RSPH10B2: variants seen among roughly 807,000 people sequenced by gnomAD.
The protein encoded by RSPH10B2 is radial spoke head 10 homolog B2 (Chlamydomonas).
Under a neutral mutation model 49.0 loss-of-function variants are expected in RSPH10B2, and 9 were observed. That is an observed-to-expected ratio of 0.18 (90% CI 0.11 to 0.32). The LOEUF is 0.32. RSPH10B2 is among the 10% of genes least tolerant of loss of function. RSPH10B2 has a pLI of 1.00. For synonymous variants in RSPH10B2, 35 were observed against 210.2 expected, an observed-to-expected ratio of 0.17 and a Z score of 7.21; for missense variants, 95 against 589.9, an observed-to-expected ratio of 0.16 and a Z score of 8.69.
At chr7:6,797,575 A>G (rs1417078857) in intron 18 of RSPH10B2, among the ~76,000 whole-genome samples, 3 of 152,272 alleles carry the variant, frequency 2.0e-5, no homozygotes, top group Admixed American at 1.3e-4. Context: ...AAAGTCCCCA[A>G]ATGGGCTGGG....
chr7:6,785,826 C>CA lies in RSPH10B2; in HGVS notation c.1759-115dup, dbSNP rs375955460. On this transcript the variant is annotated intron_variant, in intron 13 of 18. Transcript: ENST00000297186. Reference sequence around the variant, plus strand: ...GGCGACAGAGCGAGACTCCGTCTCTCAAAAAAAAGAAAAAAGATATTAATT... The same window carrying CA: ...GGCGACAGAGCGAGACTCCGTCTCTCAAAAAAAAAGAAAAAAGATATTAATT... 4.3e-3 allele frequency: 4,476 copies of CA among 1,037,522 alleles called. 2 individuals are homozygous for CA. The African/African-American group carries it at 0.067, about 16-fold the overall frequency. The allele number at this position is 1,037,522 out of a possible 1,614,324, so 64.3% of individuals were successfully genotyped here. A position where few individuals can be genotyped will look rare whatever the true frequency, so the allele number is the denominator to read the frequency against.
intron 17 of RSPH10B2, among the ~76,000 whole-genome samples, chr7:6,792,854 C>A (rs1480923350): frequency 8.6e-6 from 1 of 115,664 alleles, no homozygotes; most frequent in Non-Finnish European, 1.7e-5. Flanking sequence ...CTCACTGCAA[C>A]CTCTGCCTCC....
At chr7:6,791,469 T>C (rs1583531692) in intron 16 of RSPH10B2, among the ~76,000 whole-genome samples, 1 of 147,214 alleles carries the variant, frequency 6.8e-6, no homozygotes. Flanking sequence ...ATTGGCTGGG[T>C]GTGGTGGCTC....
intron 6 of RSPH10B2, among the ~76,000 whole-genome samples, chr7:6,767,960 A>G (rs1319657773): frequency 7.0e-6 from 1 of 142,686 alleles, no homozygotes; most frequent in African/African-American, 2.7e-5. Context: ...GCACTTTGGG[A>G]GACCACCTGA....
At position 6,781,615 on chromosome 7, in the gene RSPH10B2, A is replaced by G. The variant is rs1175514616; in HGVS notation, c.1758+139A>G. 22 of 1,031,568 alleles carry G rather than the reference A, an allele frequency of 2.1e-5. 4 individuals are homozygous for G. The highest frequency in any genetic ancestry group is 2.7e-5 in the Non-Finnish European group (21 of 785,142). The allele number at this position is 1,031,568 out of a possible 1,614,324, so 63.9% of individuals were successfully genotyped here. ...GGGTTTTCAGGACCATTAAATGTTT[A>G]CTGAGTCTCTTGGCAGAACAGTGGT... On this transcript the variant is annotated intron_variant, in intron 13 of 18. Coordinates refer to ENST00000297186, the Ensembl canonical transcript of RSPH10B2.
intron 5 of RSPH10B2, 26 bp downstream of exon 7, chr7:6,765,817 G>C: frequency 6.4e-7 from 1 of 1,567,282 alleles, no homozygotes; most frequent in Non-Finnish European, 8.6e-7. Flanking sequence ...GCCGCGCTTG[G>C]GGTGTAGATG....
intron 8 of RSPH10B2, among the ~76,000 whole-genome samples, chr7:6,772,025 G>GA (rs201152080): frequency 0.28 from 35,930 of 130,604 alleles, 1,244 homozygotes; most frequent in East Asian, 0.5. Flanking sequence ...AAATAAAATG[G>GA]AAAAAAAAAA....
intron 17 of RSPH10B2, among the ~76,000 whole-genome samples, chr7:6,796,117 C>T (rs1424214679): frequency 1.5e-5 from 2 of 137,740 alleles, no homozygotes; most frequent in African/African-American, 5.3e-5. Flanking sequence ...GTTAAGAGTT[C>T]GAGACCAGCC....
chr7:6,796,490 A>G lies in RSPH10B2; in HGVS notation c.2234-78A>G, dbSNP rs1782570652. The G allele has an allele frequency of 2.4e-6, 2 of 829,394 alleles. 1 individual carries two copies. The highest frequency in any genetic ancestry group is 3.4e-6 in the Non-Finnish European group (2 of 592,176). 51.4% of individuals were successfully genotyped at this position (829,394 alleles called of 1,614,324 possible). A position where few individuals can be genotyped will look rare whatever the true frequency, so the allele number is the denominator to read the frequency against. ...GAAGGGGGCCCACCCCAGGGAGGCT[A>G]GAACGAGAAAAAGCACGCAGACCCC... is the stretch of plus-strand genomic sequence containing the variant. On this transcript the variant is annotated intron_variant, in intron 17 of 18. Transcript: ENST00000297186.
chr7:6,769,598 C>CT (rs1341047155), intron 7 of RSPH10B2, among the ~76,000 whole-genome samples: 1 of 99,376 alleles, frequency 1.0e-5, no homozygotes, highest in Non-Finnish European at 2.1e-5. Context: ...CTTTTTTTTT[C>CT]TTTTTTTTGA....
rs1296598610 is a variant in RSPH10B2 at position 6,793,487 on chromosome 7, G to A, written c.2233+1490G>A. ...CCCTCTACAGTGCCTGTCGTTTCCC[G>A]TTACTCCTCCTCCAGTGGATCATTC... On this transcript the variant is annotated intron_variant, in intron 17 of 18. Transcript: ENST00000297186. Among the ~76,000 whole-genome samples, 29 of 115,444 alleles carry A rather than the reference G, an allele frequency of 2.5e-4. 1 individual carries two copies. Among genetic ancestry groups the A allele is most frequent in the African/African-American group, 9.4e-4 (27 of 28,782 alleles). The allele number at this position is 115,444 out of a possible 152,430, so 75.7% of individuals were successfully genotyped here.
Position 6,781,900 on chromosome 7 carries a change from A to AAT in RSPH10B2, c.1758+433_1758+434dup, listed in dbSNP as rs1349374848. On this transcript the variant is annotated intron_variant, in intron 13 of 18. Coordinates refer to ENST00000297186, the Ensembl canonical transcript of RSPH10B2. ...TATATATATAAATATATATATAATA[A>AAT]ATATATATATTTTTTTAATTTTATT... is the stretch of plus-strand genomic sequence containing the variant. Among the ~76,000 whole-genome samples the AAT allele has an allele frequency of 2.8e-5, 3 of 107,252 alleles. 1 individual carries two copies. In the East Asian group the frequency reaches 8.6e-4, roughly 31 times the overall value. 70.4% of individuals were successfully genotyped at this position (107,252 alleles called of 152,430 possible).
chr7:6,756,049 A>C (rs1276446195), upstream of RSPH10B2, among the ~76,000 whole-genome samples: 5 of 150,592 alleles, frequency 3.3e-5, no homozygotes, highest in South Asian at 4.2e-4. Flanking sequence ...CGGGCAGATC[A>C]CGAGGTCAGG....
At chr7:6,796,056 A>C (rs1259249776) in intron 17 of RSPH10B2, among the ~76,000 whole-genome samples, 1 of 143,932 alleles carries the variant, frequency 6.9e-6, no homozygotes, top group Admixed American at 7.0e-5. Flanking sequence ...ACAGTGGCTC[A>C]TGCCTGTAAT....
chr7:6,776,925 AC>A (rs1781767499), intron 10 of RSPH10B2, among the ~76,000 whole-genome samples: 1 of 131,210 alleles, frequency 7.6e-6, no homozygotes, highest in Non-Finnish European at 1.6e-5. Context: ...ACACACACAC[AC>A]AAAAGGCAGG....
upstream of RSPH10B2, among the ~76,000 whole-genome samples, chr7:6,756,095 C>A (rs1265168909): frequency 3.3e-5 from 5 of 150,422 alleles, no homozygotes; most frequent in Non-Finnish European, 7.4e-5. Flanking sequence ...GGTGAAACCC[C>A]GTCTCTACTA....
intron 7 of RSPH10B2, among the ~76,000 whole-genome samples, chr7:6,769,937 G>A (rs2115428668): frequency 2.6e-5 from 1 of 37,984 alleles, no homozygotes; most frequent in East Asian, 3.6e-4. Flanking sequence ...TATTTAATCA[G>A]TGTTTGGTGT....
chr7:6,764,387 G>T (rs1450632017), intron 4 of RSPH10B2, among the ~76,000 whole-genome samples: 1 of 150,562 alleles, frequency 6.6e-6, no homozygotes, highest in Non-Finnish European at 1.5e-5. Flanking sequence ...TTGAGATGGA[G>T]TCTTGCTCTG....
chr7:6,793,517 C>T (rs1782426883), intron 17 of RSPH10B2, among the ~76,000 whole-genome samples: 1 of 118,048 alleles, frequency 8.5e-6, no homozygotes, highest in African/African-American at 3.4e-5. Flanking sequence ...TCATTCCCAT[C>T]GGCACACATG....
Sources: gnomAD v4.1 joint callset for allele counts (sites outside exome capture counted in the v4.1 genomes callset) on GRCh38, gnomAD v4.1.1 for gene constraint, MANE v1.5 for transcripts, NCBI Gene and HGNC (gene_info 2026-07-23, HGNC 2026-07-21) for gene names.